GALNTL6: variants seen among roughly 807,000 people sequenced by gnomAD.
The protein encoded by GALNTL6 is polypeptide N-acetylgalactosaminyltransferase like 6, also known as polypeptide N-acetylgalactosaminyltransferase-like 6.
GALNTL6 carries 46 observed loss-of-function variants against 73.7 expected under a neutral mutation model. The ratio of observed to expected loss-of-function variants is 0.62; its 90% confidence interval spans 0.49 to 0.80. The LOEUF (loss-of-function observed/expected upper bound fraction) is 0.80. Among genes scored for constraint, GALNTL6 ranks in the 30% least tolerant of loss-of-function variants. GALNTL6 has a pLI of 0.00. For missense variants in GALNTL6, 604 were observed against 755.0 expected, an observed-to-expected ratio of 0.80 and a Z score of 2.34; for synonymous variants, 259 against 263.7, an observed-to-expected ratio of 0.98 and a Z score of 0.17.
chr4:172,059,734 A>AT (rs1221715810), intron 2 of GALNTL6, among the ~76,000 whole-genome samples: 2 of 152,196 alleles, frequency 1.3e-5, no homozygotes, highest in African/African-American at 4.8e-5. Flanking sequence ...ATAAAGTGTG[A>AT]TTTTTACTCA....
At chr4:172,528,614 G>T (rs1008389824) in intron 5 of GALNTL6, among the ~76,000 whole-genome samples, 91 of 151,228 alleles carry the variant, frequency 6.0e-4, no homozygotes, top group Admixed American at 1.2e-3. Flanking sequence ...CAAAGTCTGG[G>T]ATTACAGGCA....
intron 5 of GALNTL6, among the ~76,000 whole-genome samples, chr4:172,386,147 C>T (rs1368183249): frequency 6.6e-6 from 1 of 152,084 alleles, no homozygotes; most frequent in Non-Finnish European, 1.5e-5. Context: ...CCTTTTAAAT[C>T]AGATAGGAGA....
chr4:172,915,385 A>C (rs1284590673), intron 8 of GALNTL6, among the ~76,000 whole-genome samples: 2 of 152,228 alleles, frequency 1.3e-5, no homozygotes, highest in Non-Finnish European at 2.9e-5. Context: ...GAAGGCAAGA[A>C]ATAACTAAGA....
Position 172,475,743 on chromosome 4 carries a change from A to T in GALNTL6, c.553+127054A>T, listed in dbSNP as rs942513960. On this transcript the variant is annotated intron_variant, in intron 5 of 12. Transcript: ENST00000506823. The stretch of plus-strand genomic sequence containing the variant: ...TTAGAATACAGTCAGCCATTAGTGA[A>T]ATGTAGAGCATGATCAGCCTTTAGT... Among the ~76,000 whole-genome samples, 8 of 152,328 alleles carry T rather than the reference A, an allele frequency of 5.3e-5. No individual in the cohort carries two copies. In the East Asian group the frequency reaches 1.5e-3, roughly 29 times the overall value.
intron 3 of GALNTL6, among the ~76,000 whole-genome samples, chr4:172,310,488 C>T (rs1740315855): frequency 6.6e-6 from 1 of 152,078 alleles, no homozygotes; most frequent in African/African-American, 2.4e-5. Context: ...CCAGGCTGGT[C>T]TCAAACTCCT....
At chr4:172,223,684 T>C (rs542125806) in intron 2 of GALNTL6, among the ~76,000 whole-genome samples, 9 of 152,252 alleles carry the variant, frequency 5.9e-5, no homozygotes, top group African/African-American at 2.2e-4. Flanking sequence ...TATTAATTCA[T>C]AAGATTTAAA....
chr4:172,353,656 A>G (rs957825384), intron 5 of GALNTL6, among the ~76,000 whole-genome samples: 2 of 152,026 alleles, frequency 1.3e-5, no homozygotes, highest in African/African-American at 2.4e-5. Context: ...AACTTTATAA[A>G]TCTATTTTGC....
chr4:172,013,921 G>T (rs1266972081), intron 2 of GALNTL6, among the ~76,000 whole-genome samples: 1 of 146,600 alleles, frequency 6.8e-6, no homozygotes, highest in African/African-American at 2.5e-5. Flanking sequence ...ACCTCCATGA[G>T]TTCAGTTGTT....
intron 2 of GALNTL6, among the ~76,000 whole-genome samples, chr4:172,013,602 GTGGGGCACA>G (rs1479302398): frequency 6.6e-6 from 1 of 151,582 alleles, no homozygotes; most frequent in East Asian, 1.9e-4. Context: ...GTGTACATTT[GTGGGGCACA>G]TGAAACATTT....
intron 5 of GALNTL6, chr4:172,379,935 G>C: frequency 1.6e-6 from 1 of 639,722 alleles, no homozygotes; most frequent in Non-Finnish European, 2.8e-6. Context: ...TTATTCTGTA[G>C]TGTTTCTAAG....
At chr4:172,472,788 A>G (rs893268956) in intron 5 of GALNTL6, among the ~76,000 whole-genome samples, 6 of 152,248 alleles carry the variant, frequency 3.9e-5, no homozygotes, top group Non-Finnish European at 8.8e-5. Flanking sequence ...AAAGGCAAGA[A>G]AGAATCCTCT....
intron 4 of GALNTL6, among the ~76,000 whole-genome samples, chr4:172,346,439 TCTC>T (rs975314465): frequency 9.2e-5 from 14 of 152,160 alleles, no homozygotes; most frequent in Admixed American, 7.2e-4. Context: ...TTTAGTCACT[TCTC>T]CTAGTTACCA....
At chr4:172,401,405 G>A (rs1032813463) in intron 5 of GALNTL6, among the ~76,000 whole-genome samples, 2 of 151,886 alleles carry the variant, frequency 1.3e-5, no homozygotes, top group Admixed American at 6.6e-5. Flanking sequence ...TACTCTACAC[G>A]ACATCTAAAA....
At chr4:172,178,641 T>G (rs1343741018) in intron 2 of GALNTL6, among the ~76,000 whole-genome samples, 1 of 147,536 alleles carries the variant, frequency 6.8e-6, no homozygotes, top group Non-Finnish European at 1.5e-5. Flanking sequence ...GGTGTATATG[T>G]GACACATTTT....
intron 5 of GALNTL6, among the ~76,000 whole-genome samples, chr4:172,791,689 T>G (rs12506762): frequency 0.71 from 107,798 of 151,942 alleles, 38,827 homozygotes; most frequent in East Asian, 0.89. Flanking sequence ...TCTAAAAAAT[T>G]AAGATAAATT....
At chr4:172,486,035 A>G (rs1017399702) in intron 5 of GALNTL6, among the ~76,000 whole-genome samples, 16 of 152,180 alleles carry the variant, frequency 1.1e-4, no homozygotes, top group African/African-American at 3.4e-4. Context: ...TTTTGCAGCA[A>G]TTACCAAGTG....
intron 3 of GALNTL6, among the ~76,000 whole-genome samples, chr4:172,247,151 T>C (rs867222005): frequency 2.0e-5 from 3 of 152,178 alleles, no homozygotes; most frequent in African/African-American, 4.8e-5. Context: ...CTGAGCCCCT[T>C]GGAAGTCACA....
chr4:172,994,980 A>C (rs902813960), intron 10 of GALNTL6, among the ~76,000 whole-genome samples: 1 of 152,126 alleles, frequency 6.6e-6, no homozygotes, highest in East Asian at 1.9e-4. Context: ...AGGGAGAATT[A>C]TTTTATCTAG....
chr4:172,016,284 G>C (rs1215156182), intron 2 of GALNTL6, among the ~76,000 whole-genome samples: 1 of 151,728 alleles, frequency 6.6e-6, no homozygotes, highest in Non-Finnish European at 1.5e-5. Context: ...CTTTATCTTT[G>C]TTTGATTGGG....
Sources: gnomAD v4.1 joint callset for allele counts (sites outside exome capture counted in the v4.1 genomes callset) on GRCh38, gnomAD v4.1.1 for gene constraint, MANE v1.5 for transcripts, NCBI Gene and HGNC (gene_info 2026-07-23, HGNC 2026-07-21) for gene names.